HSD17B11: variants seen among roughly 807,000 people sequenced by gnomAD.
HSD17B11 encodes hydroxysteroid 17-beta dehydrogenase 11, also known as estradiol 17-beta-dehydrogenase 11.
Under a neutral mutation model 27.8 loss-of-function variants are expected in HSD17B11, and 22 were observed. That is an observed-to-expected ratio of 0.79 (90% CI 0.56 to 1.13). HSD17B11 has a LOEUF of 1.13. Ranked by LOEUF, HSD17B11 falls within the 50% of genes most tolerant of loss-of-function variation. The pLI is 0.00. For missense variants in HSD17B11, 314 were observed against 351.1 expected (o/e 0.89, Z 0.84); for synonymous variants, 117 against 132.8 (o/e 0.88, Z 0.82).
At chr4:87,361,644 G>A (rs56385009) in intron 4 of HSD17B11, among the ~76,000 whole-genome samples, 24,516 of 152,086 alleles carry the variant, frequency 0.16, 2,120 homozygotes, top group African/African-American at 0.19. Flanking sequence ...GCGGGCACCT[G>A]TAGTCCCAGC....
Position 87,357,314 on chromosome 4 carries a change from G to T in HSD17B11, c.660C>A (p.Phe220Leu). The change falls in exon 5 of 7, where the codon TTC becomes TTA. Residue 220 changes from phenylalanine to leucine, a missense_variant. By Grantham distance (22) the Phe-to-Leu change is conservative (BLOSUM62 0). Coordinates refer to ENST00000358290, the MANE Select transcript of HSD17B11 (RefSeq NM_016245.5). The stretch of plus-strand genomic sequence containing the variant: ...GATTTTTGATGAAGCCAGTGTTTAC[G>T]AAATTAGGACACAGACATGTTGTTT... ...GVKTTCLCPN[F>L]VNTGFIKNPS... is the part of the protein sequence containing the mutation. The T allele has an allele frequency of 6.2e-7, 1 of 1,612,130 alleles. No homozygotes were observed. The highest frequency in any genetic ancestry group is 8.5e-7 in the Non-Finnish European group (1 of 1,179,350).
At chr4:87,378,026 C>A (rs1183385416) in intron 2 of HSD17B11, among the ~76,000 whole-genome samples, 2 of 152,134 alleles carry the variant, frequency 1.3e-5, no homozygotes, top group Non-Finnish European at 2.9e-5. Flanking sequence ...TCTCCCAGAT[C>A]TGTCTGACGT....
chr4:87,358,881 C>G (rs1203771983), intron 4 of HSD17B11, among the ~76,000 whole-genome samples: 1 of 152,132 alleles, frequency 6.6e-6, no homozygotes, highest in African/African-American at 2.4e-5. Flanking sequence ...CAAATCTCAT[C>G]AACAATTGTA....
intron 5 of HSD17B11, among the ~76,000 whole-genome samples, chr4:87,356,912 C>T (rs1735396673): frequency 6.6e-6 from 1 of 152,126 alleles, no homozygotes; most frequent in African/African-American, 2.4e-5. Flanking sequence ...CCTTCCCTGC[C>T]ACTACCCTAC....
intron 5 of HSD17B11, among the ~76,000 whole-genome samples, chr4:87,353,010 G>A (rs1480581972): frequency 2.8e-5 from 3 of 109,080 alleles, no homozygotes; most frequent in Admixed American, 9.0e-5. Flanking sequence ...ACTGGCCTGC[G>A]CCCACTGTCT....
intron 2 of HSD17B11, among the ~76,000 whole-genome samples, chr4:87,379,858 A>G (rs1720085597): frequency 1.6e-5 from 2 of 124,288 alleles, no homozygotes; most frequent in Admixed American, 1.6e-4. Context: ...ATGTATATGT[A>G]TATGTATTAT....
intron 2 of HSD17B11, among the ~76,000 whole-genome samples, chr4:87,375,532 C>T (rs531442291): frequency 3.3e-5 from 5 of 151,984 alleles, no homozygotes; most frequent in South Asian, 4.1e-4. Flanking sequence ...ACCTGTGGTC[C>T]GGAGTTTGAG....
In HSD17B11 at chr4:87,372,690, G is replaced by A. The variant is rs1364370056; in HGVS notation, c.557+19C>T. 3 of 1,464,240 alleles carry A rather than the reference G, an allele frequency of 2.0e-6. No homozygotes were observed. Among genetic ancestry groups the A allele is most frequent in the Non-Finnish European group, 2.9e-6 (3 of 1,044,348 alleles). 90.7% of individuals were successfully genotyped at this position (1,464,240 alleles called of 1,614,324 possible). A position where few individuals can be genotyped will look rare whatever the true frequency, so the allele number is the denominator to read the frequency against. ...AAGGTAGGCATAAGAACCAATGAAG[G>A]AAACACATGTTCACATACCAGTAAG... On this transcript the variant is annotated intron_variant, in intron 4 of 6. Transcript: ENST00000358290.
chr4:87,388,019 C>G (rs1268857529), intron 1 of HSD17B11, among the ~76,000 whole-genome samples: 1 of 152,098 alleles, frequency 6.6e-6, no homozygotes, highest in Non-Finnish European at 1.5e-5. Flanking sequence ...CCCTCAAAAC[C>G]CTTCATTGAC....
At chr4:87,382,734 G>A (rs748293561) in intron 1 of HSD17B11, among the ~76,000 whole-genome samples, 9 of 152,128 alleles carry the variant, frequency 5.9e-5, no homozygotes, top group Non-Finnish European at 1.2e-4. Flanking sequence ...ATTCATGGAT[G>A]TCAGTTTACT....
chr4:87,370,755 A>ATTTTTTTTTT lies in HSD17B11; in HGVS notation c.557+1944_557+1953dup, dbSNP rs57047986. On this transcript the variant is annotated intron_variant, in intron 4 of 6. Coordinates refer to ENST00000358290, the MANE Select transcript of HSD17B11 (RefSeq NM_016245.5). ...TATTATTATTATTATTATTATTATT[A>ATTTTTTTTTT]TTTTTTTTTTTTTTTGAGACGGAGT... 1.0e-4 allele frequency among the ~76,000 whole-genome samples: 6 copies of ATTTTTTTTTT among 57,518 alleles called. No homozygotes were observed. The East Asian group carries it at 1.2e-3, about 12-fold the overall frequency. 37.7% of individuals were successfully genotyped at this position (57,518 alleles called of 152,430 possible).
chr4:87,389,244 CAG>C (rs1391029162), intron 1 of HSD17B11, among the ~76,000 whole-genome samples: 2 of 151,982 alleles, frequency 1.3e-5, no homozygotes, highest in Non-Finnish European at 2.9e-5. Flanking sequence ...ATTTTTAAGA[CAG>C]AGTTTTGCTC....
In HSD17B11 at chr4:87,382,302, C is replaced by A. The variant is rs1720193630; in HGVS notation, c.271G>T (p.Val91Leu). Reference protein sequence around the residue: ...KGLGAKVHTFVVDCSNREDIY... With the variant: ...KGLGAKVHTFLVDCSNREDIY... ...TCTTCTCGGTTGCTGCAGTCTACCA[C>A]AAAGGTATGAACCTTGGCACCCAGT... The change falls in exon 2 of 7, where the codon GTG becomes TTG. Residue 91 changes from valine to leucine, a missense_variant. Coordinates refer to ENST00000358290, the MANE Select transcript of HSD17B11 (RefSeq NM_016245.5). The A allele has an allele frequency of 1.9e-6, 3 of 1,613,954 alleles. No homozygotes were observed. Among genetic ancestry groups the A allele is most frequent in the Admixed American group, 1.7e-5 (1 of 59,998 alleles).
intron 4 of HSD17B11, among the ~76,000 whole-genome samples, chr4:87,363,183 C>T (rs1351633519): frequency 2.0e-5 from 3 of 152,008 alleles, no homozygotes; most frequent in African/African-American, 2.4e-5. Context: ...GCCACAAGCC[C>T]GATCACTAGG....
At chr4:87,343,787 A>C (rs1475756683) in intron 5 of HSD17B11, among the ~76,000 whole-genome samples, 1 of 152,146 alleles carries the variant, frequency 6.6e-6, no homozygotes, top group Non-Finnish European at 1.5e-5. Context: ...ATCTCAGGTA[A>C]TCTGCCTGTC....
At chr4:87,338,025 G>T (rs566975466) in intron 6 of HSD17B11, among the ~76,000 whole-genome samples, 63 of 152,324 alleles carry the variant, frequency 4.1e-4, no homozygotes, top group Non-Finnish European at 1.5e-5. Flanking sequence ...AGATCATCCT[G>T]GCTAACACGG....
intron 5 of HSD17B11, among the ~76,000 whole-genome samples, chr4:87,353,106 G>C (rs1321727328): frequency 7.2e-6 from 1 of 138,070 alleles, no homozygotes; most frequent in Non-Finnish European, 1.5e-5. Flanking sequence ...GGGAGCTGTA[G>C]ACCGGAGCTG....
At chr4:87,344,220 C>T (rs1578033713) in intron 5 of HSD17B11, among the ~76,000 whole-genome samples, 1 of 152,138 alleles carries the variant, frequency 6.6e-6, no homozygotes, top group East Asian at 1.9e-4. Context: ...CTTTCTGTGA[C>T]ACACACATAC....
At chr4:87,369,570 A>T (rs1735672293) in intron 4 of HSD17B11, among the ~76,000 whole-genome samples, 1 of 151,960 alleles carries the variant, frequency 6.6e-6, no homozygotes, top group Admixed American at 6.6e-5. Flanking sequence ...CGTAGCTGGG[A>T]CTACAAGCAC....
Sources: allele counts gnomAD v4.1 joint callset (sites outside exome capture counted in the v4.1 genomes callset), GRCh38; gene constraint gnomAD v4.1.1; transcripts MANE v1.5; gene names NCBI Gene and HGNC (gene_info 2026-07-23, HGNC 2026-07-21).